Variants in EIF2AK4 observed in about 807,000 individuals in gnomAD.
EIF2AK4 encodes eukaryotic translation initiation factor 2 alpha kinase 4, also known as eIF-2-alpha kinase GCN2.
In EIF2AK4, 139 loss-of-function variants were observed where a neutral mutation model predicts 211.1. That is an observed-to-expected ratio of 0.66 (90% CI 0.57 to 0.76). EIF2AK4 has a LOEUF of 0.76. Ranked by LOEUF, EIF2AK4 falls within the 30% of genes least tolerant of loss-of-function variation. The pLI is 0.00. For missense variants in EIF2AK4, 1,664 were observed against 2,043.8 expected, an observed-to-expected ratio of 0.81 and a Z score of 3.58; for synonymous variants, 710 against 751.3, an observed-to-expected ratio of 0.94 and a Z score of 0.90.
chr15:39,975,214 A>G (rs887622856), intron 11 of EIF2AK4: 20 of 151,672 alleles, frequency 1.3e-4, no homozygotes, highest in Middle Eastern at 3.4e-3. Context: ...GAGGGAACTG[A>G]AGCTCAGAGA....
intron 13 of EIF2AK4, among the ~76,000 whole-genome samples, chr15:39,982,356 C>T (rs1425981550): frequency 2.6e-5 from 4 of 152,198 alleles, no homozygotes; most frequent in African/African-American, 9.7e-5. Flanking sequence ...TTCTGACCTT[C>T]TTAGCCATAG....
At chr15:39,971,801 T>A (rs1399037041) in intron 9 of EIF2AK4, among the ~76,000 whole-genome samples, 1 of 152,174 alleles carries the variant, frequency 6.6e-6, no homozygotes, top group Non-Finnish European at 1.5e-5. Context: ...GACTTTAGCT[T>A]GCATTGAAAT....
chr15:40,006,966 A>G, intron 23 of EIF2AK4, 50 bp from the exon 24 acceptor site: 1 of 1,437,922 alleles, frequency 7.0e-7, no homozygotes, highest in Non-Finnish European at 9.7e-7. Context: ...GCCGCTATTA[A>G]CAAAAGGCAC....
At position 39,976,662 on chromosome 15, in the gene EIF2AK4, CACA is replaced by C; in HGVS notation, c.2068_2070del (p.Thr690del). On this transcript the variant is annotated inframe_deletion, in exon 12 of 39. Transcript: ENST00000263791. ...CTGCACGCGGGCAGCCGGCGAGCGA[CACA>C]GACGGCCTGGACAGCGTAGAGGCCG... The C allele has an allele frequency of 6.2e-7, 1 of 1,604,402 alleles. No individual in the cohort carries two copies. Among genetic ancestry groups the C allele is most frequent in the Non-Finnish European group, 8.5e-7 (1 of 1,177,686 alleles).
intron 32 of EIF2AK4, among the ~76,000 whole-genome samples, chr15:40,023,390 A>C (rs2035421081): frequency 6.6e-6 from 1 of 152,186 alleles, no homozygotes; most frequent in South Asian, 2.1e-4. Context: ...TGGCCTGATG[A>C]AATGAGTTGG....
At chr15:39,964,595 C>CTATG (rs2034517870) in intron 7 of EIF2AK4, among the ~76,000 whole-genome samples, 1 of 151,892 alleles carries the variant, frequency 6.6e-6, no homozygotes, top group Admixed American at 6.6e-5. Context: ...TATATATATG[C>CTATG]TATGATATGG....
Position 39,948,919 on chromosome 15 carries a change from A to G in EIF2AK4, c.361-197A>G, listed in dbSNP as rs571752692. ...AATGATCTGTCTTGATAATAACACA[A>G]TGCAATGGGCCCTTTAAAAGCTTTT... On this transcript the variant is annotated intron_variant, in intron 3 of 38. Transcript: ENST00000263791. 1.1e-4 allele frequency among the ~76,000 whole-genome samples: 17 copies of G among 152,278 alleles called. No individual in the cohort carries two copies. In the East Asian group the frequency reaches 2.7e-3, roughly 24 times the overall value.
intron 19 of EIF2AK4, 49 bp downstream of exon 19, chr15:39,997,114 A>G: frequency 7.8e-7 from 1 of 1,286,554 alleles, no homozygotes. Flanking sequence ...CCGGAATCTT[A>G]GCACAGAGAT....
rs564971507 is a variant in EIF2AK4, at chr15:39,971,030, C to G, written c.1554-1878C>G. On this transcript the variant is annotated intron_variant, in intron 9 of 38. Transcript: ENST00000263791. ...CCAGAACTCACAACGACAGTTGATT[C>G]TTTTAAGTATATTGTTTTAATTATA... 2.6e-5 allele frequency among the ~76,000 whole-genome samples: 4 copies of G among 152,260 alleles called. No homozygotes were observed. The East Asian group carries it at 7.7e-4, about 29-fold the overall frequency.
Position 40,019,315 on chromosome 15 carries a change from G to A in EIF2AK4, c.4173+115G>A. 7.9e-6 allele frequency: 6 copies of A among 760,004 alleles called. No individual in the cohort carries two copies. The South Asian group carries it at 1.3e-4, about 16-fold the overall frequency. 47.1% of individuals were successfully genotyped at this position (760,004 alleles called of 1,614,324 possible). A position where few individuals can be genotyped will look rare whatever the true frequency, so the allele number is the denominator to read the frequency against. ...TTCTGATGTGAAAGCTATAGACGTA[G>A]GGTTTTGAAACTTACCTTTAATATG... On this transcript the variant is annotated intron_variant, in intron 30 of 38. Transcript: ENST00000263791.
intron 33 of EIF2AK4, among the ~76,000 whole-genome samples, 169 bp downstream of exon 33, chr15:40,026,258 C>G (rs577593998): frequency 1.0e-3 from 154 of 152,116 alleles, no homozygotes; most frequent in Non-Finnish European, 1.9e-3. Context: ...AATGCAAGAC[C>G]AGCCTGGGCA....
At chr15:40,023,909 A>T (rs994143410) in intron 32 of EIF2AK4, among the ~76,000 whole-genome samples, 1 of 152,214 alleles carries the variant, frequency 6.6e-6, no homozygotes, top group Non-Finnish European at 1.5e-5. Flanking sequence ...AATTCAGCCC[A>T]TAGCCTGCTT....
Position 40,017,551 on chromosome 15 carries a change from A to ATACATG in EIF2AK4, c.4065+311_4065+312insCATGTA, listed in dbSNP as rs1555422345. ...TATATATATATATATATATATATAT[A>ATACATG]TATGTATTTTGGAGACAGGGCCTTG... is the stretch of plus-strand genomic sequence containing the variant. On this transcript the variant is annotated intron_variant, in intron 29 of 38. Transcript: ENST00000263791. Among the ~76,000 whole-genome samples the ATACATG allele has an allele frequency of 4.0e-4, 35 of 87,086 alleles. 1 individual carries two copies. The highest frequency in any genetic ancestry group is 1.4e-3 in the African/African-American group (31 of 22,382). The allele number at this position is 87,086 out of a possible 152,430, so 57.1% of individuals were successfully genotyped here. A position where few individuals can be genotyped will look rare whatever the true frequency, so the allele number is the denominator to read the frequency against.
intron 10 of EIF2AK4, among the ~76,000 whole-genome samples, chr15:39,973,356 A>G (rs938079769): frequency 1.3e-5 from 2 of 152,216 alleles, no homozygotes; most frequent in African/African-American, 4.8e-5. Context: ...CTAGCTCTAT[A>G]GTTAAGTCAC....
chr15:39,943,566 T>G, intron 3 of EIF2AK4, 81 bp downstream of exon 3: 1 of 1,054,194 alleles, frequency 9.5e-7, no homozygotes, highest in African/African-American at 1.7e-5. Flanking sequence ...GTAGCATGTT[T>G]TGTGTTTTAT....
intron 11 of EIF2AK4, 69 bp from the exon 12 acceptor site, chr15:39,976,345 T>TG: frequency 6.7e-7 from 1 of 1,485,392 alleles, no homozygotes; most frequent in Non-Finnish European, 9.0e-7. Flanking sequence ...TGGGAGGGGA[T>TG]GGGGTGCGGT....
At position 40,009,669 on chromosome 15, in the gene EIF2AK4, T is replaced by TA. The variant is rs749805695; in HGVS notation, c.3633dup (p.His1212ThrfsTer8). The TA allele has an allele frequency of 5.6e-6, 9 of 1,610,674 alleles. No individual in the cohort carries two copies. The African/African-American group carries it at 9.4e-5, about 17-fold the overall frequency. ...ACCATGTTATTGAAAGCAATACTCT[T>TA]ACACTGTGGGATCCCAGAAGATAAA... On this transcript the variant is annotated frameshift_variant, in exon 26 of 39. Coordinates refer to ENST00000263791, the MANE Select transcript of EIF2AK4 (RefSeq NM_001013703.4). LOFTEE classifies it high-confidence loss of function.
chr15:40,032,781 T>A lies in EIF2AK4; in HGVS notation c.4753T>A (p.Leu1585Ile), dbSNP rs774005857. 1 of 1,613,566 alleles carries A rather than the reference T, an allele frequency of 6.2e-7. No individual in the cohort carries two copies. Among genetic ancestry groups the A allele is most frequent in the South Asian group, 1.1e-5 (1 of 90,990 alleles). The part of the protein sequence containing the change: ...LAVDLPKETI[L>I]QFLSLEWDAD... ...GGTGGATCTACCCAAAGAAACAATA[T>A]TACAGTTTTTATCATTAGAGGTAAG... is the stretch of plus-strand genomic sequence containing the variant. The change falls in exon 37 of 39, where the codon TTA becomes ATA. Residue 1585 changes from leucine (L) to isoleucine (I), a missense_variant. Around this residue, in one of 7 missense-constraint regions of EIF2AK4, gnomAD observed 138 missense variants for 165.1 expected, o/e 0.84. Transcript: ENST00000263791.
chr15:40,005,364 T>G (rs915369272), intron 23 of EIF2AK4, among the ~76,000 whole-genome samples: 3 of 151,692 alleles, frequency 2.0e-5, no homozygotes, highest in African/African-American at 7.3e-5. Context: ...GAAAGAAAAG[T>G]TTTTTTAAAA....
Sources: gnomAD v4.1 joint callset for allele counts (sites outside exome capture counted in the v4.1 genomes callset) on GRCh38, gnomAD v4.1.1 for gene constraint, gnomAD v4.1.1 regional missense constraint, MANE v1.5 for transcripts, NCBI Gene and HGNC (gene_info 2026-07-23, HGNC 2026-07-21) for gene names.